PHACTR3: variants seen among roughly 807,000 people sequenced by gnomAD.
The protein encoded by PHACTR3 is protein phosphatase 1, regulatory subunit 123.
A neutral mutation model predicts 66.8 loss-of-function variants in PHACTR3; 16 were observed. That is an observed-to-expected ratio of 0.24 (90% CI 0.16 to 0.36). The LOEUF is 0.36. Among genes scored for constraint, PHACTR3 ranks in the 10% least tolerant of loss-of-function variants. PHACTR3 has a pLI of 1.00. For missense variants in PHACTR3, 647 were observed against 719.9 expected (o/e 0.90, Z 1.16); for synonymous variants, 323 against 292.1 (o/e 1.11, Z -1.08).
rs1207541951 is a variant in PHACTR3, at chr20:59,738,937, C to A, written c.119-4170C>A. The stretch of plus-strand genomic sequence containing the variant: ...AAGCATGCTCAGGACAGCAGGCTTT[C>A]CCAGGGCCATGTGGAGTCACAGTCT... On this transcript the variant is annotated intron_variant, in intron 1 of 12. Coordinates refer to ENST00000371015, the MANE Select transcript of PHACTR3 (RefSeq NM_080672.5). This position sits in a 1 kb window ranked among gnomAD's most constrained non-coding sequence, Gnocchi z 4.4. Among the ~76,000 whole-genome samples, 1 of 152,104 alleles carries A rather than the reference C, an allele frequency of 6.6e-6. No homozygotes were observed. Among genetic ancestry groups the A allele is most frequent in the Non-Finnish European group, 1.5e-5 (1 of 68,002 alleles).
intron 1 of PHACTR3, among the ~76,000 whole-genome samples, chr20:59,593,011 C>T (rs1313879734): frequency 6.6e-6 from 1 of 152,130 alleles, no homozygotes; most frequent in Non-Finnish European, 1.5e-5. Flanking sequence ...TGTGTAAATA[C>T]CAAGGAAGGC....
intron 1 of PHACTR3, among the ~76,000 whole-genome samples, chr20:59,682,592 G>T (rs1218206781): frequency 1.3e-5 from 2 of 152,172 alleles, no homozygotes; most frequent in African/African-American, 2.4e-5. Flanking sequence ...GGTAAGAGAA[G>T]GTATAAATGT....
In PHACTR3 at chr20:59,645,188, GA is replaced by G. The variant is rs549045120; in HGVS notation, c.118+40057del. ...CAGCTGCATCCATGTTGCTGCAAAG[GA>G]TATGATTTTGTTCTTTTTTATGTTA... On this transcript the variant is annotated intron_variant, in intron 1 of 12. Transcript: ENST00000371015. Among the ~76,000 whole-genome samples, 123 of 150,718 alleles carry G rather than the reference GA, an allele frequency of 8.2e-4. 1 individual carries two copies. Among genetic ancestry groups the G allele is most frequent in the African/African-American group, 2.9e-3 (118 of 41,078 alleles).
At chr20:59,745,854 G>A (rs2039349251) in intron 2 of PHACTR3, among the ~76,000 whole-genome samples, 1 of 152,216 alleles carries the variant, frequency 6.6e-6, no homozygotes, top group Non-Finnish European at 1.5e-5. Context: ...AGAGGGGGAG[G>A]GTAGAGCCTC....
intron 1 of PHACTR3, among the ~76,000 whole-genome samples, chr20:59,641,305 T>C (rs1053478927): frequency 6.6e-6 from 1 of 152,106 alleles, no homozygotes; most frequent in South Asian, 2.1e-4. Flanking sequence ...TCTATCTAGA[T>C]GTATTAGAAG....
At chr20:59,607,120 C>T (rs2033698342) in intron 1 of PHACTR3, among the ~76,000 whole-genome samples, 2 of 152,130 alleles carry the variant, frequency 1.3e-5, no homozygotes, top group Non-Finnish European at 2.9e-5. Context: ...TGTGTGCCTG[C>T]ATACTTCTTT....
intron 8 of PHACTR3, among the ~76,000 whole-genome samples, chr20:59,831,391 C>T (rs536002437): frequency 9.2e-5 from 14 of 152,210 alleles, no homozygotes; most frequent in South Asian, 2.1e-4. Flanking sequence ...AGATGCTGCT[C>T]TCTGTCCCTG....
At chr20:59,713,770 A>G (rs1345571052) in intron 1 of PHACTR3, among the ~76,000 whole-genome samples, 2 of 150,260 alleles carry the variant, frequency 1.3e-5, no homozygotes, top group African/African-American at 4.9e-5. Context: ...CTTTTTTGGT[A>G]AAGAATTGCT....
At chr20:59,745,099 T>C (rs1481226555) in intron 2 of PHACTR3, among the ~76,000 whole-genome samples, 1 of 152,180 alleles carries the variant, frequency 6.6e-6, no homozygotes, top group African/African-American at 2.4e-5. Flanking sequence ...TTGGGCCCAG[T>C]GGTCCGAGAA....
At chr20:59,605,631 C>T (rs1029095668) in intron 1 of PHACTR3, among the ~76,000 whole-genome samples, 5 of 152,218 alleles carry the variant, frequency 3.3e-5, no homozygotes, top group Non-Finnish European at 1.5e-5. Flanking sequence ...CGCACCTGGG[C>T]GCGCTAGCCC....
intron 1 of PHACTR3, among the ~76,000 whole-genome samples, chr20:59,723,678 C>T (rs550752347): frequency 7.9e-5 from 12 of 152,130 alleles, no homozygotes; most frequent in African/African-American, 1.9e-4. Context: ...GCAGAATCAT[C>T]GTACGGTGAC....
At chr20:59,679,062 G>A (rs1656309109) in intron 1 of PHACTR3, among the ~76,000 whole-genome samples, 1 of 152,194 alleles carries the variant, frequency 6.6e-6, no homozygotes, top group East Asian at 1.9e-4. Context: ...TCACGGCAGA[G>A]GGTTGGTAAA....
At position 59,592,992 on chromosome 20, in the gene PHACTR3, C is replaced by T. The variant is rs138292420; in HGVS notation, c.109+15375C>T. Among the ~76,000 whole-genome samples the T allele has an allele frequency of 5.0e-3, 758 of 152,226 alleles. 3 individuals are homozygous for T. Among genetic ancestry groups the T allele is most frequent in the Admixed American group, 0.01 (155 of 15,288 alleles). The stretch of plus-strand genomic sequence containing the variant: ...AGGTTTTTGTGTAGACATGAGTTTT[C>T]GACTTCTTTGTGTAAATACCAAGGA... On this transcript the variant is annotated intron_variant, in intron 1 of 12. Coordinates refer to the PHACTR3 transcript ENST00000359926.
intron 1 of PHACTR3, among the ~76,000 whole-genome samples, chr20:59,680,955 C>T (rs1412344025): frequency 6.6e-6 from 1 of 152,182 alleles, no homozygotes; most frequent in African/African-American, 2.4e-5. Flanking sequence ...TAAGGGTATG[C>T]TTAAAATATT....
intron 1 of PHACTR3, among the ~76,000 whole-genome samples, chr20:59,678,012 C>T (rs932790088): frequency 2.0e-5 from 3 of 152,204 alleles, no homozygotes; most frequent in African/African-American, 7.2e-5. Context: ...AATCTCACAA[C>T]TTTCACCCCA....
intron 7 of PHACTR3, among the ~76,000 whole-genome samples, chr20:59,785,992 G>A (rs1418268153): frequency 6.6e-6 from 1 of 152,236 alleles, no homozygotes; most frequent in African/African-American, 2.4e-5. Context: ...TGCAGGTAGT[G>A]AACTGCCACT....
intron 1 of PHACTR3, among the ~76,000 whole-genome samples, chr20:59,690,989 C>T (rs2037088132): frequency 6.6e-6 from 1 of 152,092 alleles, no homozygotes; most frequent in South Asian, 2.1e-4. Context: ...GGCTTTTTTA[C>T]AGGGCTTGAG....
At chr20:59,663,341 G>A (rs1435818417) in intron 1 of PHACTR3, among the ~76,000 whole-genome samples, 3 of 152,292 alleles carry the variant, frequency 2.0e-5, no homozygotes, top group Middle Eastern at 6.8e-3. Flanking sequence ...GGATGGCTCC[G>A]GCTGGCTGTA....
chr20:59,820,557 G>A lies in PHACTR3; in HGVS notation c.1328+14363G>A, dbSNP rs1283799490. ...GGGTGGAAGTCCCCGTGTACAGGGA[G>A]GGAAAGCCCATCTGTGTGTGGCATG... On this transcript the variant is annotated intron_variant, in intron 8 of 12. Coordinates refer to ENST00000371015, the MANE Select transcript of PHACTR3 (RefSeq NM_080672.5). The surrounding 1 kb of genome is among the most constrained non-coding windows in gnomAD (Gnocchi z 4.6). 6.6e-6 allele frequency among the ~76,000 whole-genome samples: 1 copy of A among 152,180 alleles called. No homozygotes were observed. The highest frequency in any genetic ancestry group is 1.5e-5 in the Non-Finnish European group (1 of 68,024).
Sources: allele counts gnomAD v4.1 joint callset (sites outside exome capture counted in the v4.1 genomes callset), GRCh38; gene constraint gnomAD v4.1.1; non-coding constraint Gnocchi (gnomAD v3.1); transcripts MANE v1.5; gene names NCBI Gene and HGNC (gene_info 2026-07-23, HGNC 2026-07-21).